Variants in TENM2 observed in about 807,000 individuals in gnomAD.
TENM2 encodes teneurin transmembrane protein 2.
TENM2 carries 52 observed loss-of-function variants against 245.2 expected under a neutral mutation model. The ratio of observed to expected loss-of-function variants is 0.21; its 90% CI spans 0.17 to 0.27. The LOEUF is 0.27. Among genes scored for constraint, TENM2 ranks in the 10% least tolerant of loss-of-function variants. TENM2 has a pLI of 1.00. For missense variants in TENM2, 3,046 were observed against 3,666.8 expected (o/e 0.83, Z 4.37); for synonymous variants, 1,363 against 1,438.9 (o/e 0.95, Z 1.19).
intron 2 of TENM2, among the ~76,000 whole-genome samples, chr5:167,451,671 C>T (rs987082336): frequency 6.6e-6 from 1 of 150,734 alleles, no homozygotes; most frequent in Non-Finnish European, 1.5e-5. Flanking sequence ...TTTCTTGAGA[C>T]GGAGTCTCGC....
chr5:168,103,037 C>G (rs1309727118), intron 9 of TENM2, among the ~76,000 whole-genome samples: 1 of 151,960 alleles, frequency 6.6e-6, no homozygotes, highest in Non-Finnish European at 1.5e-5. Flanking sequence ...CCGCCTCCCC[C>G]CACCCCACAA....
At chr5:168,200,177 G>T in intron 17 of TENM2, 46 bp downstream of exon 19, 1 of 1,553,634 alleles carries the variant, frequency 6.4e-7, no homozygotes, top group Non-Finnish European at 8.8e-7. Context: ...ATTTAGTCAT[G>T]TGTTAATTCG....
chr5:167,385,545 G>T, intron 2 of TENM2, among the ~76,000 whole-genome samples: 1 of 149,774 alleles, frequency 6.7e-6, no homozygotes. Context: ...GAGAACAGGT[G>T]GTGTTTGGTT....
At chr5:168,197,699 C>CAAAA (rs71593165) in intron 15 of TENM2, among the ~76,000 whole-genome samples, 1 of 83,686 alleles carries the variant, frequency 1.2e-5, no homozygotes. Context: ...GACTCCATCC[C>CAAAA]AAAAAAAAAA....
At chr5:168,228,928 A>C (rs1020800560) in intron 25 of TENM2, among the ~76,000 whole-genome samples, 12 of 147,980 alleles carry the variant, frequency 8.1e-5, no homozygotes, top group African/African-American at 2.9e-4. Flanking sequence ...CCTATATTAT[A>C]TTATAATGTA....
intron 3 of TENM2, among the ~76,000 whole-genome samples, chr5:167,905,328 G>C (rs1234618814): frequency 6.6e-6 from 1 of 152,186 alleles, no homozygotes; most frequent in African/African-American, 2.4e-5. Flanking sequence ...GGGATAGATG[G>C]AGTTACCACG....
At chr5:167,432,017 T>C (rs1349880497) in intron 2 of TENM2, among the ~76,000 whole-genome samples, 2 of 121,804 alleles carry the variant, frequency 1.6e-5, no homozygotes, top group African/African-American at 7.1e-5. Context: ...ATTTTAAGTG[T>C]ATATCTACAC....
chr5:168,059,876 C>T (rs1438580124), intron 6 of TENM2, among the ~76,000 whole-genome samples: 1 of 152,086 alleles, frequency 6.6e-6, no homozygotes, highest in African/African-American at 2.4e-5. Flanking sequence ...CTTTACACAG[C>T]CTAACCTCAG....
At chr5:168,102,785 A>G (rs1352939595) in intron 9 of TENM2, among the ~76,000 whole-genome samples, 3 of 152,222 alleles carry the variant, frequency 2.0e-5, no homozygotes, top group Non-Finnish European at 2.9e-5. Context: ...TTTTTAAATA[A>G]CAATAGCTTT....
chr5:167,244,133 G>A, the TENM2 span, among the ~76,000 whole-genome samples: 1 of 152,124 alleles, frequency 6.6e-6, no homozygotes, highest in South Asian at 2.1e-4. Flanking sequence ...ACCTTGTTTA[G>A]CCAAGAACTT....
chr5:168,103,669 A>G (rs1794002766), intron 9 of TENM2, among the ~76,000 whole-genome samples: 1 of 152,268 alleles, frequency 6.6e-6, no homozygotes, highest in East Asian at 1.9e-4. Context: ...TCTGATTTTA[A>G]TCAGAAAAAA....
At chr5:168,190,294 G>A (rs1281092657) in intron 13 of TENM2, 43 bp from the exon 16 acceptor site, 1 of 1,519,502 alleles carries the variant, frequency 6.6e-7, no homozygotes, top group South Asian at 1.2e-5. Context: ...ACAGCTTTAT[G>A]CCATGAAATC....
intron 2 of TENM2, among the ~76,000 whole-genome samples, chr5:167,844,009 G>C (rs1365191358): frequency 6.6e-6 from 1 of 152,146 alleles, no homozygotes; most frequent in African/African-American, 2.4e-5. Flanking sequence ...TCTTTTGGCT[G>C]AGTTAATCTT....
chr5:167,874,590 A>G (rs1371053899), intron 2 of TENM2, among the ~76,000 whole-genome samples: 1 of 152,186 alleles, frequency 6.6e-6, no homozygotes, highest in East Asian at 1.9e-4. Context: ...GATTTAGGAC[A>G]TGTGCCATGG....
intron 3 of TENM2, among the ~76,000 whole-genome samples, chr5:167,914,065 G>A (rs1378422900): frequency 6.6e-6 from 1 of 152,186 alleles, no homozygotes; most frequent in African/African-American, 2.4e-5. Flanking sequence ...CCTTAAATGG[G>A]AAGGGGAGGA....
chr5:167,900,315 T>G (rs1044010036), intron 3 of TENM2, among the ~76,000 whole-genome samples: 8 of 152,014 alleles, frequency 5.3e-5, no homozygotes, highest in African/African-American at 1.9e-4. Flanking sequence ...TTTCCATACA[T>G]GAAACCACCG....
chr5:167,910,724 GTTCT>G (rs1049492839), intron 3 of TENM2, among the ~76,000 whole-genome samples: 20 of 152,116 alleles, frequency 1.3e-4, no homozygotes, highest in Non-Finnish European at 2.5e-4. Flanking sequence ...GCTTTTTTGC[GTTCT>G]TTGTCTTGAA....
rs1012988234 is a variant in TENM2, at chr5:168,211,524, G to A, written c.3825-210G>A. Among the ~76,000 whole-genome samples, 5 of 152,144 alleles carry A rather than the reference G, an allele frequency of 3.3e-5. No homozygotes were observed. The East Asian group carries it at 5.8e-4, about 18-fold the overall frequency. ...CTGATGAGAGAATTCAAGCTTTCTT[G>A]TCCAGATTGTCCAATGTCTGGGAGG... On this transcript the variant is annotated intron_variant, in intron 19 of 28. Coordinates refer to ENST00000518659, the Ensembl canonical transcript of TENM2.
At chr5:167,156,534 C>G in the TENM2 span, among the ~76,000 whole-genome samples, 1 of 152,176 alleles carries the variant, frequency 6.6e-6, no homozygotes, top group South Asian at 2.1e-4. Context: ...CTGAGGAGCT[C>G]TGCTTCATCT....
Sources: gnomAD v4.1 joint callset for allele counts (sites outside exome capture counted in the v4.1 genomes callset) on GRCh38, gnomAD v4.1.1 for gene constraint, MANE v1.5 for transcripts, NCBI Gene and HGNC (gene_info 2026-07-23, HGNC 2026-07-21) for gene names.